Variants in ATXN1 observed in about 807,000 individuals in gnomAD.
The protein encoded by ATXN1 is ataxin-1.
A neutral mutation model predicts 56.4 loss-of-function variants in ATXN1; 8 were observed. That is an observed-to-expected ratio of 0.14 (90% CI 0.08 to 0.26). ATXN1 has a LOEUF of 0.26. Ranked by LOEUF, ATXN1 falls within the 10% of genes least tolerant of loss-of-function variation. The probability of loss-of-function intolerance (pLI) is 1.00; values close to 1 mark genes in which losing one functional copy is unlikely to be tolerated. For synonymous variants in ATXN1, 514 were observed against 494.6 expected (o/e 1.04, Z -0.52); for missense variants, 987 against 1,106.5 (o/e 0.89, Z 1.53).
At chr6:16,672,991 C>A (rs564604981) in intron 2 of ATXN1, among the ~76,000 whole-genome samples, 1 of 131,522 alleles carries the variant, frequency 7.6e-6, no homozygotes, top group East Asian at 2.2e-4. Flanking sequence ...CCAGCCTGGG[C>A]GACAGAATGA....
At chr6:16,747,207 C>T (rs535159094) in intron 2 of ATXN1, among the ~76,000 whole-genome samples, 2 of 152,274 alleles carry the variant, frequency 1.3e-5, no homozygotes, top group Non-Finnish European at 2.9e-5. Context: ...TGGAAAACTG[C>T]ACGCTGCTCG....
At chr6:16,651,443 C>T (rs1179247239) in intron 3 of ATXN1, among the ~76,000 whole-genome samples, 1 of 151,678 alleles carries the variant, frequency 6.6e-6, no homozygotes, top group Non-Finnish European at 1.5e-5. Context: ...ACTCAGGAGG[C>T]TGAGGCAGGA....
chr6:16,521,784 G>A (rs933937435), intron 5 of ATXN1, among the ~76,000 whole-genome samples: 1 of 152,302 alleles, frequency 6.6e-6, no homozygotes, highest in Admixed American at 6.5e-5. Context: ...ACATGACAAC[G>A]TGGCATTGCA....
At chr6:16,525,587 G>T (rs538532897) in intron 4 of ATXN1, among the ~76,000 whole-genome samples, 2 of 152,108 alleles carry the variant, frequency 1.3e-5, no homozygotes, top group Admixed American at 6.5e-5. Context: ...AAAGTAGTTA[G>T]AATAAATAAG....
rs191934737 is a variant in ATXN1 at position 16,568,834 on chromosome 6, A to G, written c.-361+16946T>C. 2.1e-4 allele frequency among the ~76,000 whole-genome samples: 32 copies of G among 152,304 alleles called. 1 individual carries two copies. The highest frequency in any genetic ancestry group is 3.3e-4 in the Admixed American group (5 of 15,302). ...GCAATCAAAGGCTAATAAAGAGTTC[A>G]GTTCAGTAAAGACTTGTTTCTAGGT... On this transcript the variant is annotated intron_variant, in intron 4 of 7. Transcript: ENST00000436367.
chr6:16,518,280 C>G (rs1055498744), intron 5 of ATXN1, among the ~76,000 whole-genome samples: 1 of 152,210 alleles, frequency 6.6e-6, no homozygotes, highest in Admixed American at 6.5e-5. Context: ...CTTGCTCCAA[C>G]CTTTTCTTCC....
In ATXN1 at chr6:16,588,784, G is replaced by A. The variant is rs538619897; in HGVS notation, c.-488-2877C>T. Reference sequence around the variant, plus strand: ...CTTCTGAGTGAATAAATGAGCCAAAGAAGGAGGGAAGGAGGAAGGGAGGGA... The same window carrying A: ...CTTCTGAGTGAATAAATGAGCCAAAAAAGGAGGGAAGGAGGAAGGGAGGGA... On this transcript the variant is annotated intron_variant, in intron 3 of 7. Coordinates refer to ENST00000436367, the MANE Select transcript of ATXN1 (RefSeq NM_001128164.2). 2.0e-5 allele frequency among the ~76,000 whole-genome samples: 3 copies of A among 152,268 alleles called. No individual in the cohort carries two copies. The South Asian group carries it at 6.2e-4, about 32-fold the overall frequency.
At chr6:16,528,981 C>G (rs556363117) in intron 4 of ATXN1, among the ~76,000 whole-genome samples, 1 of 152,236 alleles carries the variant, frequency 6.6e-6, no homozygotes, top group African/African-American at 2.4e-5. Context: ...GAGTTCGAGA[C>G]CAGCCTGGGC....
chr6:16,565,709 AAAATTTCCAGGT>A (rs1216284043), intron 4 of ATXN1, among the ~76,000 whole-genome samples: 1 of 152,224 alleles, frequency 6.6e-6, no homozygotes, highest in African/African-American at 2.4e-5. Flanking sequence ...CATTGCTCAA[AAAATTTCCAGGT>A]AAACCATGTT....
At chr6:16,700,713 G>A (rs1391542999) in intron 2 of ATXN1, among the ~76,000 whole-genome samples, 6 of 152,112 alleles carry the variant, frequency 3.9e-5, no homozygotes, top group Admixed American at 2.6e-4. Flanking sequence ...ACTGCTCACC[G>A]ATGGGAATTG....
chr6:16,501,475 G>GC (rs1286167863), intron 5 of ATXN1, among the ~76,000 whole-genome samples: 1 of 151,686 alleles, frequency 6.6e-6, no homozygotes, highest in Non-Finnish European at 1.5e-5. Flanking sequence ...CCCTCCCCTT[G>GC]CCCCCCACTC....
intron 6 of ATXN1, among the ~76,000 whole-genome samples, chr6:16,376,198 T>G (rs929380062): frequency 2.0e-5 from 3 of 152,242 alleles, no homozygotes; most frequent in Admixed American, 6.5e-5. Flanking sequence ...CGATCAATTT[T>G]CATGCTTCAT....
chr6:16,670,345 A>C (rs999507013), intron 2 of ATXN1, among the ~76,000 whole-genome samples: 1 of 152,146 alleles, frequency 6.6e-6, no homozygotes, highest in African/African-American at 2.4e-5. Context: ...GCTCTAGAAA[A>C]TACAGATCTG....
intron 6 of ATXN1, among the ~76,000 whole-genome samples, chr6:16,395,800 G>A (rs373289166): frequency 3.3e-5 from 5 of 151,860 alleles, no homozygotes; most frequent in Admixed American, 2.6e-4. Context: ...GGCAGATCAC[G>A]AGGTCAGGAG....
intron 3 of ATXN1, among the ~76,000 whole-genome samples, chr6:16,610,513 C>G (rs948985529): frequency 1.3e-5 from 2 of 151,930 alleles, no homozygotes; most frequent in Non-Finnish European, 2.9e-5. Flanking sequence ...AACTACACAG[C>G]TCTAATGGCA....
At chr6:16,521,213 C>G (rs1761281986) in intron 5 of ATXN1, among the ~76,000 whole-genome samples, 1 of 152,206 alleles carries the variant, frequency 6.6e-6, no homozygotes, top group Non-Finnish European at 1.5e-5. Context: ...CTTAACTTCT[C>G]TCCATCTTAT....
chr6:16,352,744 T>G (rs531827901), intron 6 of ATXN1, among the ~76,000 whole-genome samples: 6 of 152,270 alleles, frequency 3.9e-5, no homozygotes, highest in African/African-American at 1.4e-4. Flanking sequence ...ACCCACTGGA[T>G]AGTACCAAAC....
chr6:16,472,017 T>C (rs1760229934), intron 6 of ATXN1, among the ~76,000 whole-genome samples: 1 of 152,146 alleles, frequency 6.6e-6, no homozygotes, highest in Admixed American at 6.5e-5. Flanking sequence ...GTGGTTTTAA[T>C]CACAGTGTTG....
intron 3 of ATXN1, among the ~76,000 whole-genome samples, chr6:16,619,974 C>G (rs59793332): frequency 0.047 from 7,129 of 152,132 alleles, 531 homozygotes; most frequent in African/African-American, 0.16. Context: ...CCTCAACTTC[C>G]TGTTCTGTCA....
Sources: gnomAD v4.1 joint callset for allele counts (sites outside exome capture counted in the v4.1 genomes callset) on GRCh38, gnomAD v4.1.1 for gene constraint, MANE v1.5 for transcripts, NCBI Gene and HGNC (gene_info 2026-07-23, HGNC 2026-07-21) for gene names.